Variants in ADD2 observed in about 807,000 individuals in gnomAD.
ADD2 encodes the protein beta-adducin.
ADD2 carries 23 observed loss-of-function variants against 83.0 expected under a neutral mutation model. The observed-to-expected ratio is 0.28, with a 90% CI of 0.20 to 0.39. ADD2 has a LOEUF of 0.39. Among genes scored for constraint, ADD2 ranks in the 10% least tolerant of loss-of-function variants. ADD2 has a pLI of 1.00. For missense variants in ADD2, 758 were observed against 944.9 expected, an observed-to-expected ratio of 0.80 and a Z score of 2.59; for synonymous variants, 375 against 375.4, an observed-to-expected ratio of 1.00 and a Z score of 0.01.
intron 9 of ADD2, among the ~76,000 whole-genome samples, chr2:70,687,601 CA>C (rs1249630781): frequency 2.6e-5 from 1 of 38,134 alleles, no homozygotes; most frequent in Non-Finnish European, 9.1e-5. Context: ...TCAAAACAAA[CA>C]AACAAACAAA....
chr2:70,705,006 G>A (rs1553374184), intron 3 of ADD2, among the ~76,000 whole-genome samples: 1 of 152,148 alleles, frequency 6.6e-6, no homozygotes, highest in African/African-American at 2.4e-5. Flanking sequence ...CTGCCCACCA[G>A]GTGGCAGGAG....
rs1166967533 is a variant in ADD2 at position 70,658,070 on chromosome 2, C to A, written c.*5355G>T. 5 of 152,144 alleles carry A rather than the reference C, an allele frequency of 3.3e-5. No homozygotes were observed. The highest frequency in any genetic ancestry group is 1.5e-5 in the Non-Finnish European group (1 of 68,034). The allele number at this position is 152,144 out of a possible 1,614,324, so 9.4% of individuals were successfully genotyped here. A position where few individuals can be genotyped will look rare whatever the true frequency, so the allele number is the denominator to read the frequency against. Reference sequence around the variant, plus strand: ...AACCTAATATCACCTAAGTATGAACCAATGCGACCCATTGTTTCTGTATAC... The same window carrying A: ...AACCTAATATCACCTAAGTATGAACAAATGCGACCCATTGTTTCTGTATAC... On this transcript the variant is annotated 3_prime_UTR_variant, in exon 16 of 16. Transcript: ENST00000264436.
intron 1 of ADD2, among the ~76,000 whole-genome samples, chr2:70,747,794 T>A (rs1285667823): frequency 2.6e-5 from 4 of 152,218 alleles, no homozygotes; most frequent in African/African-American, 9.6e-5. Context: ...TAATCTCAGA[T>A]TGACCTTTCT....
chr2:70,727,227 G>A (rs915568311), intron 1 of ADD2, among the ~76,000 whole-genome samples: 1 of 152,062 alleles, frequency 6.6e-6, no homozygotes, highest in Admixed American at 6.5e-5. Flanking sequence ...CAAGCTCCTC[G>A]AGCTACCATT....
At chr2:70,740,889 G>A (rs1387055258) in intron 1 of ADD2, among the ~76,000 whole-genome samples, 5 of 151,996 alleles carry the variant, frequency 3.3e-5, no homozygotes, top group East Asian at 3.9e-4. Flanking sequence ...TAGTAGAGAC[G>A]GGGTTTCACC....
intron 1 of ADD2, among the ~76,000 whole-genome samples, chr2:70,731,498 C>A (rs1319593818): frequency 2.0e-5 from 3 of 152,170 alleles, no homozygotes; most frequent in African/African-American, 7.2e-5. Context: ...TGTCACTAGA[C>A]TGGAAGTTTT....
chr2:70,712,739 G>A (rs1366249255), intron 2 of ADD2, among the ~76,000 whole-genome samples: 1 of 152,166 alleles, frequency 6.6e-6, no homozygotes, highest in African/African-American at 2.4e-5. Flanking sequence ...CTTCCTAAGG[G>A]CAAGAGCTGC....
intron 1 of ADD2, among the ~76,000 whole-genome samples, chr2:70,750,130 G>C (rs565648630): frequency 6.6e-6 from 1 of 152,230 alleles, no homozygotes; most frequent in Non-Finnish European, 1.5e-5. Flanking sequence ...ATTGGCCATG[G>C]ACACTTATTT....
intron 1 of ADD2, among the ~76,000 whole-genome samples, chr2:70,763,980 A>C (rs552864624): frequency 1.3e-5 from 2 of 151,216 alleles, no homozygotes; most frequent in East Asian, 3.9e-4. Context: ...CTCTGCCTCC[A>C]GGATTCAAGT....
chr2:70,721,673 TAATA>T (rs1672736146), intron 1 of ADD2, among the ~76,000 whole-genome samples: 1 of 152,180 alleles, frequency 6.6e-6, no homozygotes, highest in Non-Finnish European at 1.5e-5. Flanking sequence ...CACACATAAT[TAATA>T]GTGACTTTTA....
chr2:70,663,243 C>G lies in ADD2; in HGVS notation c.*182G>C. ...TAGCTGTGTGACCTTGGGCAAGTCA[C>G]CTGATTTCTCTTGGGCAACTGTAAA... On this transcript the variant is annotated 3_prime_UTR_variant, in exon 16 of 16. Coordinates refer to ENST00000264436, the MANE Select transcript of ADD2 (RefSeq NM_001617.4). 1 of 681,164 alleles carries G rather than the reference C, an allele frequency of 1.5e-6. No homozygotes were observed. Among genetic ancestry groups the G allele is most frequent in the Non-Finnish European group, 2.4e-6 (1 of 412,042 alleles). 42.2% of individuals were successfully genotyped at this position (681,164 alleles called of 1,614,324 possible).
At chr2:70,725,795 C>T (rs1338384150) in intron 1 of ADD2, among the ~76,000 whole-genome samples, 4 of 149,798 alleles carry the variant, frequency 2.7e-5, no homozygotes, top group Non-Finnish European at 6.0e-5. Flanking sequence ...ACATACAAAC[C>T]ACCTGAGGAT....
intron 2 of ADD2, among the ~76,000 whole-genome samples, chr2:70,708,091 A>AC: frequency 6.6e-6 from 1 of 152,326 alleles, no homozygotes; most frequent in South Asian, 2.1e-4. Context: ...CCAGAACTCC[A>AC]CACACTACCT....
chr2:70,750,038 A>T (rs915973593), intron 1 of ADD2, among the ~76,000 whole-genome samples: 3 of 152,210 alleles, frequency 2.0e-5, no homozygotes, highest in African/African-American at 7.2e-5. Flanking sequence ...TCCTTGTTAC[A>T]GGACCTTTCT....
At chr2:70,685,683 C>A (rs527793823) in intron 9 of ADD2, among the ~76,000 whole-genome samples, 1 of 152,194 alleles carries the variant, frequency 6.6e-6, no homozygotes, top group Non-Finnish European at 1.5e-5. Flanking sequence ...TAGTGTATCA[C>A]CTGGTACATA....
At position 70,674,779 on chromosome 2, in the gene ADD2, T is replaced by C; in HGVS notation, c.1640A>G (p.Asp547Gly). Residue 547 changes from aspartate to glycine, a missense_variant, in exon 14 of 16, where the codon GAC becomes GGC. By Grantham distance (94) the Asp-to-Gly change is moderately conservative. Transcript: ENST00000264436. The part of the protein sequence containing the change: ...LMSKGDEDTK[D>G]DSEETVPNPF... Reference sequence around the variant, plus strand: ...GTTGGGCACCGTCTCCTCTGAATCGTCTTTGGTATCCTCGTCTCCCTTGGA... The same window carrying C: ...GTTGGGCACCGTCTCCTCTGAATCGCCTTTGGTATCCTCGTCTCCCTTGGA... 1 of 1,614,118 alleles carries C rather than the reference T, an allele frequency of 6.2e-7. No individual in the cohort carries two copies. Among genetic ancestry groups the C allele is most frequent in the Non-Finnish European group, 8.5e-7 (1 of 1,180,002 alleles).
At chr2:70,728,920 T>C (rs1242666803) in intron 1 of ADD2, among the ~76,000 whole-genome samples, 4 of 152,214 alleles carry the variant, frequency 2.6e-5, no homozygotes, top group Admixed American at 2.6e-4. Context: ...TAGGGAAGCC[T>C]CACTGAAGAC....
rs34241538 is a variant in ADD2 at position 70,706,359 on chromosome 2, C to T, written c.50G>A (p.Gly17Glu). The change falls in exon 3 of 16, where the codon GGG (glycine) becomes GAG (glutamate). Residue 17 changes from glycine (G) to glutamate (E), a missense_variant. Gly to Glu is a moderately conservative substitution (Grantham distance 98, BLOSUM62 -2). This residue lies in a region of ADD2 where 175 missense variants were observed against 192.1 expected (regional missense o/e 0.91). Transcript: ENST00000264436. The surrounding 1 kb of genome is among the most constrained non-coding windows in gnomAD (Gnocchi z 5.0). ...PEAASPPPPQ[G>E]QPYFDRFSED... The stretch of plus-strand genomic sequence containing the variant: ...TGAGAAGCGGTCAAAGTAAGGCTGC[C>T]CCTGCGGGGGCGGCGGCGAGGCAGC... The T allele has an allele frequency of 1.4e-3, 2,290 of 1,613,026 alleles. 4 individuals carry two copies. Among genetic ancestry groups the T allele is most frequent in the Middle Eastern group, 9.4e-3 (57 of 6,060 alleles).
intron 1 of ADD2, among the ~76,000 whole-genome samples, chr2:70,736,253 T>C (rs1673554137): frequency 1.3e-5 from 2 of 152,180 alleles, no homozygotes; most frequent in Admixed American, 1.3e-4. Context: ...AAAGAGGTAC[T>C]AGTTGGATTG....
Sources: allele counts gnomAD v4.1 joint callset (sites outside exome capture counted in the v4.1 genomes callset), GRCh38; gene constraint gnomAD v4.1.1; regional missense constraint gnomAD v4.1.1; non-coding constraint Gnocchi (gnomAD v3.1); transcripts MANE v1.5; gene names NCBI Gene and HGNC (gene_info 2026-07-23, HGNC 2026-07-21).